Variants in NCKAP5L observed in about 807,000 individuals in gnomAD.
The protein encoded by NCKAP5L is NCK associated protein 5 like.
In NCKAP5L, 54 loss-of-function variants were observed where a neutral mutation model predicts 103.2. That is an observed-to-expected ratio of 0.52 (90% CI 0.42 to 0.66). The LOEUF (loss-of-function observed/expected upper bound fraction) is 0.66. NCKAP5L is among the 30% of genes least tolerant of loss of function. The pLI is 0.00. For synonymous variants in NCKAP5L, 762 were observed against 748.6 expected, an observed-to-expected ratio of 1.02 and a Z score of -0.29; for missense variants, 1,733 against 1,750.6, an observed-to-expected ratio of 0.99 and a Z score of 0.18.
chr12:49,821,924 G>C (rs1023744531), intron 1 of NCKAP5L, among the ~76,000 whole-genome samples: 2 of 152,182 alleles, frequency 1.3e-5, no homozygotes. Flanking sequence ...GGGGAACCCT[G>C]GGATGAGTGG....
chr12:49,793,723 C>T lies in NCKAP5L; in HGVS notation c.3258+11G>A, dbSNP rs775172292. ...CAGGCCGTCCACCCAGTCCCTACCC[C>T]AAGAACTTACCTTTCCAGGAGGTTT... On this transcript the variant is annotated intron_variant, in intron 9 of 12. Coordinates refer to ENST00000335999, the MANE Select transcript of NCKAP5L (RefSeq NM_001037806.4). The T allele has an allele frequency of 1.9e-6, 3 of 1,541,890 alleles. No homozygotes were observed. Among genetic ancestry groups the T allele is most frequent in the Non-Finnish European group, 2.6e-6 (3 of 1,143,804 alleles).
Position 49,796,465 on chromosome 12 carries a change from C to A in NCKAP5L, c.1395G>T (p.Ser465=), listed in dbSNP as rs548007920. The change falls in exon 8 of 13, where the codon TCG becomes TCT. Residue 465 remains serine (S), a synonymous_variant. Coordinates refer to ENST00000335999, the MANE Select transcript of NCKAP5L (RefSeq NM_001037806.4). ...GLKFLKLPPT[S]EKSPSPGGPQ... ...GGCCTCCTGGGCTGGGGCTCTTCTCCGAGGTTGGAGGCAGCTTTAGAAACT... is the reference window on the plus strand; with the variant it reads ...GGCCTCCTGGGCTGGGGCTCTTCTCAGAGGTTGGAGGCAGCTTTAGAAACT... 8.5e-6 allele frequency: 13 copies of A among 1,532,378 alleles called. No individual in the cohort carries two copies. The highest frequency in any genetic ancestry group is 1.1e-5 in the Non-Finnish European group (12 of 1,141,184). 94.9% of individuals were successfully genotyped at this position (1,532,378 alleles called of 1,614,324 possible). A position where few individuals can be genotyped will look rare whatever the true frequency, so the allele number is the denominator to read the frequency against.
chr12:49,813,437 T>G lies in NCKAP5L; in HGVS notation c.-98-7396A>C, dbSNP rs539294127. On this transcript the variant is annotated intron_variant, in intron 1 of 12. Transcript: ENST00000335999. ...CATGTGCTTATTGGCCATTTGCATC[T>G]CTTCCTTGGAGAAATGTTTTTCAAA... Among the ~76,000 whole-genome samples the G allele has an allele frequency of 4.6e-5, 7 of 152,372 alleles. No homozygotes were observed. In the South Asian group the frequency reaches 1.4e-3, roughly 32 times the overall value.
At chr12:49,804,919 G>A (rs1276003471) in intron 2 of NCKAP5L, 1 of 152,270 alleles carries the variant, frequency 6.6e-6, no homozygotes, top group Non-Finnish European at 1.5e-5. Flanking sequence ...GTTATCCCAG[G>A]GCAAGGTCCC....
Position 49,804,034 on chromosome 12 carries a change from G to T in NCKAP5L, c.11C>A (p.Ala4Asp). 1 of 1,610,756 alleles carries T rather than the reference G, an allele frequency of 6.2e-7. No homozygotes were observed. The part of the protein sequence containing the change: MSE[A>D]MDQPAGGPGN... ...AGGACCCCCAGCTGGCTGGTCCATG[G>T]CCTCTGACATCTGGCCCTGGGAACA... The change falls in exon 3 of 13, where the codon GCC (alanine) becomes GAC (aspartate). Residue 4 changes from alanine (A) to aspartate (D), a missense_variant. By Grantham distance (126) the Ala-to-Asp change is moderately radical. Transcript: ENST00000335999.
rs764454964 is a variant in NCKAP5L at position 49,795,018 on chromosome 12, A to T, written c.2842T>A (p.Ser948Thr). 2.2e-5 allele frequency: 35 copies of T among 1,602,264 alleles called. No individual in the cohort carries two copies. Among genetic ancestry groups the T allele is most frequent in the Middle Eastern group, 1.7e-4 (1 of 6,052 alleles). The change falls in exon 8 of 13, where the codon TCC becomes ACC. Residue 948 changes from serine (S) to threonine (T), a missense_variant. Physicochemically the swap from Ser to Thr is moderately conservative, Grantham distance 58. Transcript: ENST00000335999. ...ATCTTGACTTCCCTCCGGAGCGGGGAGCCCCCGCCAGCCCCCTCCTTGTTC... is the reference window on the plus strand; with the variant it reads ...ATCTTGACTTCCCTCCGGAGCGGGGTGCCCCCGCCAGCCCCCTCCTTGTTC... The part of the protein sequence containing the change: ...TKNKEGAGGG[S>T]PLRREVKMEA...
chr12:49,792,212 C>T lies in NCKAP5L; in HGVS notation c.3793-161G>A. On this transcript the variant is annotated intron_variant, in intron 12 of 12. Coordinates refer to ENST00000335999, the MANE Select transcript of NCKAP5L (RefSeq NM_001037806.4). The surrounding 1 kb of genome is among the most constrained non-coding windows in gnomAD (Gnocchi z 4.5). ...CAGAGGAAACAGGCTGGAGGTACAACTGAGAACAGTCCTACAAGGTTCTGG... is the reference window on the plus strand; with the variant it reads ...CAGAGGAAACAGGCTGGAGGTACAATTGAGAACAGTCCTACAAGGTTCTGG... The T allele has an allele frequency of 9.4e-7, 1 of 1,064,430 alleles. No individual in the cohort carries two copies. The highest frequency in any genetic ancestry group is 1.4e-6 in the Non-Finnish European group (1 of 723,146). The allele number at this position is 1,064,430 out of a possible 1,614,324, so 65.9% of individuals were successfully genotyped here.
intron 6 of NCKAP5L, among the ~76,000 whole-genome samples, chr12:49,800,298 T>C (rs1051152850): frequency 6.6e-6 from 1 of 152,250 alleles, no homozygotes. Context: ...GACGGCACTG[T>C]CACACTCTGC....
At chr12:49,801,292 A>G (rs909242989) in intron 6 of NCKAP5L, among the ~76,000 whole-genome samples, 1 of 152,054 alleles carries the variant, frequency 6.6e-6, no homozygotes, top group Non-Finnish European at 1.5e-5. Flanking sequence ...TCCCACCCCC[A>G]TGTCTTACCC....
At chr12:49,798,781 G>T (rs1946087790) in intron 6 of NCKAP5L, among the ~76,000 whole-genome samples, 1 of 152,112 alleles carries the variant, frequency 6.6e-6, no homozygotes, top group Admixed American at 6.5e-5. Flanking sequence ...ACTTTTCTGT[G>T]GGGCTTCCTC....
intron 8 of NCKAP5L, 143 bp from the exon 9 acceptor site, chr12:49,794,039 TC>T: frequency 1.3e-6 from 1 of 741,980 alleles, no homozygotes; most frequent in Non-Finnish European, 2.0e-6. Context: ...TAGTGATTGC[TC>T]CCAACACCCT....
In NCKAP5L at chr12:49,795,695, T is replaced by C. The variant is rs754414051; in HGVS notation, c.2165A>G (p.Lys722Arg). The change falls in exon 8 of 13, where the codon AAG becomes AGG. Residue 722 changes from lysine (K) to arginine (R), a missense_variant. Coordinates refer to ENST00000335999, the MANE Select transcript of NCKAP5L (RefSeq NM_001037806.4). ...GGCCACTGCCCCCCGTATCCCCCCC[T>C]TGGCTTCTAGCTGCTCCAGTGGCCT... is the stretch of plus-strand genomic sequence containing the variant. ...IHRPLEQLEA[K>R]GGIRGAVALG... 1.3e-6 allele frequency: 2 copies of C among 1,592,524 alleles called. No individual in the cohort carries two copies. Among genetic ancestry groups the C allele is most frequent in the Non-Finnish European group, 8.6e-7 (1 of 1,161,588 alleles).
chr12:49,792,407 C>T lies in NCKAP5L; in HGVS notation c.3792+39G>A, dbSNP rs1254723753. On this transcript the variant is annotated intron_variant, in intron 12 of 12. Transcript: ENST00000335999. This position sits in a 1 kb window ranked among gnomAD's most constrained non-coding sequence, Gnocchi z 4.5. Reference sequence around the variant, plus strand: ...GGTCTCCCCACATCACTCCCTCCTGCTCCCGAGTCCTTTCCCTTTCCTCTG... The same window carrying T: ...GGTCTCCCCACATCACTCCCTCCTGTTCCCGAGTCCTTTCCCTTTCCTCTG... 1 of 1,609,634 alleles carries T rather than the reference C, an allele frequency of 6.2e-7. No homozygotes were observed. Among genetic ancestry groups the T allele is most frequent in the East Asian group, 2.2e-5 (1 of 44,756 alleles).
intron 1 of NCKAP5L, among the ~76,000 whole-genome samples, chr12:49,816,495 C>CAAAAAAA (rs1163941989): frequency 0.022 from 1,098 of 49,238 alleles, 97 homozygotes; most frequent in East Asian, 0.072. Flanking sequence ...TCAACCCTCT[C>CAAAAAAA]AAAAAAAAAA....
At chr12:49,793,287 T>C (rs1307993384) in intron 10 of NCKAP5L, 65 bp downstream of exon 10, 1 of 1,495,854 alleles carries the variant, frequency 6.7e-7, no homozygotes. Flanking sequence ...CGGGAAGAAG[T>C]AAAGTGGGAA....
chr12:49,820,606 C>T (rs1326286290), intron 1 of NCKAP5L, among the ~76,000 whole-genome samples: 1 of 152,216 alleles, frequency 6.6e-6, no homozygotes, highest in Admixed American at 6.5e-5. Flanking sequence ...TGAGCCACTG[C>T]ACCCAGGCCC....
intron 1 of NCKAP5L, among the ~76,000 whole-genome samples, chr12:49,825,706 T>C (rs66908137): frequency 0.4 from 60,106 of 152,014 alleles, 13,210 homozygotes; most frequent in Non-Finnish European, 0.5. Context: ...AAACACCTCC[T>C]GCTGCAGCTT....
rs1946051129 is a variant in NCKAP5L at position 49,796,654 on chromosome 12, G to A, written c.1206C>T (p.Pro402=). 6.3e-7 allele frequency: 1 copy of A among 1,582,810 alleles called. No individual in the cohort carries two copies. Among genetic ancestry groups the A allele is most frequent in the Non-Finnish European group, 8.6e-7 (1 of 1,165,908 alleles). The change falls in exon 8 of 13, where the codon CCC becomes CCT. Residue 402 remains proline (P), a synonymous_variant. Transcript: ENST00000335999. ...CCATGAACATGCTAAGGAAGGGGAG[G>A]GGCCCCTGGCCCTCTGAGGTAGCAC... The part of the protein sequence containing the change: ...GFGATSEGQG[P]LPFLSMFMGA...
chr12:49,807,844 G>A (rs1202546911), intron 1 of NCKAP5L, among the ~76,000 whole-genome samples: 1 of 152,132 alleles, frequency 6.6e-6, no homozygotes, highest in Non-Finnish European at 1.5e-5. Context: ...GAGGGGCTAG[G>A]GTGTGGCTGA....
Sources: gnomAD v4.1 joint callset for allele counts (sites outside exome capture counted in the v4.1 genomes callset) on GRCh38, gnomAD v4.1.1 for gene constraint, Gnocchi (gnomAD v3.1) non-coding constraint, MANE v1.5 for transcripts, NCBI Gene and HGNC (gene_info 2026-07-23, HGNC 2026-07-21) for gene names.